The following ZC3H13 variants were observed in gnomAD, a reference collection of about 807,000 sequenced individuals.
ZC3H13 encodes the protein zinc finger CCCH-type containing 13, also known as zinc finger CCCH domain-containing protein 13.
Under a neutral mutation model 204.1 loss-of-function variants are expected in ZC3H13, and 64 were observed. The ratio of observed to expected loss-of-function variants is 0.31; its 90% CI spans 0.26 to 0.39. ZC3H13 has a LOEUF of 0.39. Ranked by LOEUF, ZC3H13 falls within the 10% of genes least tolerant of loss-of-function variation. ZC3H13 has a pLI of 1.00. For synonymous variants in ZC3H13, 667 were observed against 693.7 expected (o/e 0.96, Z 0.60); for missense variants, 1,833 against 2,082.7 (o/e 0.88, Z 2.33).
intron 8 of ZC3H13, among the ~76,000 whole-genome samples, chr13:45,995,067 T>C (rs114967665): frequency 0.015 from 2,222 of 151,626 alleles, 48 homozygotes; most frequent in African/African-American, 0.05. Flanking sequence ...CAGATTAGGA[T>C]GGATTTTGAC....
In ZC3H13 at chr13:45,959,651, C is replaced by CA; in HGVS notation, c.4676-6dup. 2.7e-5 allele frequency: 40 copies of CA among 1,492,838 alleles called. No homozygotes were observed. The highest frequency in any genetic ancestry group is 1.7e-4 in the Middle Eastern group (1 of 5,730). The allele number at this position is 1,492,838 out of a possible 1,614,324, so 92.5% of individuals were successfully genotyped here. A position where few individuals can be genotyped will look rare whatever the true frequency, so the allele number is the denominator to read the frequency against. On this transcript the variant is annotated splice_polypyrimidine_tract_variant and splice_region_variant and intron_variant, in intron 17 of 18. Transcript: ENST00000679008. ...GTTCAAAGAGATTGTCTGCATCTTT[C>CA]AAAAAAAAGTAAACATGCATTAAGT...
At position 46,022,102 on chromosome 13, in the gene ZC3H13, G is replaced by A. The variant is rs184654919; in HGVS notation, c.340-1545C>T. Among the ~76,000 whole-genome samples the A allele has an allele frequency of 4.9e-3, 746 of 151,918 alleles. 9 individuals are homozygous for A. Among genetic ancestry groups the A allele is most frequent in the African/African-American group, 0.017 (720 of 41,518 alleles). ...TTTTATCAGATTTAGAGCCAGAAAT[G>A]TTGTATCAATAAATGTCATTAATAA... On this transcript the variant is annotated intron_variant, in intron 4 of 18. Transcript: ENST00000679008.
intron 3 of ZC3H13, among the ~76,000 whole-genome samples, chr13:46,043,086 T>A (rs1339616816): frequency 6.6e-6 from 1 of 151,952 alleles, no homozygotes; most frequent in African/African-American, 2.4e-5. Flanking sequence ...ACAGACTGCC[T>A]TTAAAGACTA....
chr13:46,000,464 T>C (rs537859838), intron 8 of ZC3H13, among the ~76,000 whole-genome samples: 1 of 152,258 alleles, frequency 6.6e-6, no homozygotes, highest in African/African-American at 2.4e-5. Context: ...TTAAATGTCA[T>C]GAAGTAACCT....
At position 45,974,069 on chromosome 13, in the gene ZC3H13, G is replaced by T. The variant is rs564582063; in HGVS notation, c.2468+1214C>A. On this transcript the variant is annotated intron_variant, in intron 12 of 18. Transcript: ENST00000679008. ...TCGCCCTGTGGCAAATGAGTTGGAGGTAAGAGCAAGAAAATTGAAGATACA... is the reference window on the plus strand; with the variant it reads ...TCGCCCTGTGGCAAATGAGTTGGAGTTAAGAGCAAGAAAATTGAAGATACA... Among the ~76,000 whole-genome samples, 72 of 152,302 alleles carry T rather than the reference G, an allele frequency of 4.7e-4. 1 individual carries two copies. In the South Asian group the frequency reaches 0.014, roughly 30 times the overall value.
Position 45,998,660 on chromosome 13 carries a change from T to A in ZC3H13, c.944+4479A>T, listed in dbSNP as rs558024611. ...CGAAACTCCGTCTCAAAAAAAAAAA[T>A]AAAAGTACATAACTTAATTTTTAAA... On this transcript the variant is annotated intron_variant, in intron 8 of 18. Transcript: ENST00000679008. Among the ~76,000 whole-genome samples, 356 of 150,840 alleles carry A rather than the reference T, an allele frequency of 2.4e-3. 1 individual carries two copies. Among genetic ancestry groups the A allele is most frequent in the African/African-American group, 7.0e-3 (286 of 40,732 alleles).
intron 11 of ZC3H13, among the ~76,000 whole-genome samples, chr13:45,978,479 A>G (rs1243151209): frequency 2.6e-5 from 4 of 152,116 alleles, no homozygotes; most frequent in Non-Finnish European, 5.9e-5. Flanking sequence ...CTACTTCTCT[A>G]TAATATTGTA....
In ZC3H13 at chr13:45,956,865, A is replaced by T. The variant is rs1951300440; in HGVS notation, c.*262T>A. 4.2e-6 allele frequency: 1 copy of T among 238,262 alleles called. No homozygotes were observed. The highest frequency in any genetic ancestry group is 2.2e-5 in the African/African-American group (1 of 44,602). 14.8% of individuals were successfully genotyped at this position (238,262 alleles called of 1,614,324 possible). A position where few individuals can be genotyped will look rare whatever the true frequency, so the allele number is the denominator to read the frequency against. On this transcript the variant is annotated 3_prime_UTR_variant, in exon 19 of 19. Transcript: ENST00000679008. ...CCATTTTCCAAAATCTTCAGTTTTA[A>T]CAAAAGGCGCAGAATAAACTACTAA...
At chr13:45,961,748 A>G (rs1220810264) in intron 17 of ZC3H13, among the ~76,000 whole-genome samples, 1 of 152,162 alleles carries the variant, frequency 6.6e-6, no homozygotes, top group Non-Finnish European at 1.5e-5. Flanking sequence ...TTGGATTGTA[A>G]TACAGAGGAT....
Position 45,959,656 on chromosome 13 carries a change from A to G in ZC3H13, c.4676-10T>C, listed in dbSNP as rs1480911596. ...AAGAGATTGTCTGCATCTTTCAAAA[A>G]AAAGTAAACATGCATTAAGTTTTAC... On this transcript the variant is annotated splice_polypyrimidine_tract_variant and intron_variant, in intron 17 of 18. Coordinates refer to ENST00000679008, the MANE Select transcript of ZC3H13 (RefSeq NM_001330564.2). 1 of 1,511,540 alleles carries G rather than the reference A, an allele frequency of 6.6e-7. No individual in the cohort carries two copies. Among genetic ancestry groups the G allele is most frequent in the South Asian group, 1.3e-5 (1 of 77,310 alleles). The allele number at this position is 1,511,540 out of a possible 1,614,324, so 93.6% of individuals were successfully genotyped here.
Position 45,988,798 on chromosome 13 carries a change from T to C in ZC3H13, c.1244A>G (p.Glu415Gly). The change falls in exon 9 of 19, where the codon GAA (glutamate) becomes GGA (glycine). Residue 415 changes from glutamate (E) to glycine (G), a missense_variant. By Grantham distance (98) the Glu-to-Gly change is moderately conservative. Coordinates refer to ENST00000679008, the MANE Select transcript of ZC3H13 (RefSeq NM_001330564.2). ...AGTACAGTACACACCTTCCCTCCTT[T>C]CATGGCGTCGATCATGAGACTGTGA... ...RTSQSHDRRH[E>G]RREDTRGKRD... 6.2e-7 allele frequency: 1 copy of C among 1,612,394 alleles called. No individual in the cohort carries two copies. Among genetic ancestry groups the C allele is most frequent in the South Asian group, 1.1e-5 (1 of 91,048 alleles).
intron 4 of ZC3H13, among the ~76,000 whole-genome samples, chr13:46,039,851 G>A (rs1034068176): frequency 6.6e-6 from 1 of 152,176 alleles, no homozygotes; most frequent in Admixed American, 6.5e-5. Context: ...GCATCTGTCA[G>A]TGATGTCTTT....
At chr13:46,008,740 A>G (rs1363478856) in intron 7 of ZC3H13, among the ~76,000 whole-genome samples, 8 of 152,196 alleles carry the variant, frequency 5.3e-5, no homozygotes, top group African/African-American at 1.7e-4. Flanking sequence ...GGATAAGAGC[A>G]AGTGAAGTGG....
intron 3 of ZC3H13, 27 bp from the exon 4 acceptor site, chr13:46,042,302 C>CA (rs769080632): frequency 1.9e-6 from 3 of 1,541,198 alleles, no homozygotes; most frequent in Middle Eastern, 3.4e-4. Flanking sequence ...AGAAACAAAA[C>CA]AAAAAACGAA....
At position 46,003,276 on chromosome 13, in the gene ZC3H13, A is replaced by G. The variant is rs1566256519; in HGVS notation, c.807T>C (p.Pro269=). 2 of 1,612,942 alleles carry G rather than the reference A, an allele frequency of 1.2e-6. No individual in the cohort carries two copies. The highest frequency in any genetic ancestry group is 1.7e-6 in the Non-Finnish European group (2 of 1,179,746). The change falls in exon 8 of 19, where the codon CCT becomes CCC. Residue 269 remains proline (P), a synonymous_variant. Coordinates refer to ENST00000679008, the MANE Select transcript of ZC3H13 (RefSeq NM_001330564.2). ...TCCCCAGAGCGATATCTTCTGGTATAGGAGGGGGTGGACTAGGAGTACGTG... is the reference window on the plus strand; with the variant it reads ...TCCCCAGAGCGATATCTTCTGGTATGGGAGGGGGTGGACTAGGAGTACGTG... ...KGPRTPSPPP[P]IPEDIALGKK...
chr13:46,034,445 T>TC (rs2043089902), intron 4 of ZC3H13, among the ~76,000 whole-genome samples: 1 of 152,150 alleles, frequency 6.6e-6, no homozygotes, highest in Non-Finnish European at 1.5e-5. Flanking sequence ...AGAACATGAA[T>TC]CAGCAATAAA....
At position 45,980,010 on chromosome 13, in the gene ZC3H13, C is replaced by A. The variant is rs766181207; in HGVS notation, c.1721-6G>T. The stretch of plus-strand genomic sequence containing the variant: ...ACCTCTTGAGCCTCGACTTCCTAAA[C>A]AAAGGATAGACACACAAATGTTTAC... On this transcript the variant is annotated splice_polypyrimidine_tract_variant and splice_region_variant and intron_variant, in intron 10 of 18. Transcript: ENST00000679008. 3.8e-6 allele frequency: 6 copies of A among 1,588,368 alleles called. No homozygotes were observed. In the African/African-American group the frequency reaches 8.2e-5, roughly 22 times the overall value.
At chr13:46,048,580 CAA>C (rs56753264) in intron 1 of ZC3H13, among the ~76,000 whole-genome samples, 1 of 38,660 alleles carries the variant, frequency 2.6e-5, no homozygotes, top group Non-Finnish European at 4.3e-5. Context: ...GACTCCGCCT[CAA>C]AAAAAAAAAA....
At position 46,005,990 on chromosome 13, in the gene ZC3H13, G is replaced by A. The variant is rs562315127; in HGVS notation, c.747-2654C>T. On this transcript the variant is annotated intron_variant, in intron 7 of 18. Coordinates refer to ENST00000679008, the MANE Select transcript of ZC3H13 (RefSeq NM_001330564.2). The stretch of plus-strand genomic sequence containing the variant: ...CACGCCTGTAATCCCAGCTACTCAG[G>A]AGGCTGAGGCAGAAGAACCGCTTGA... Among the ~76,000 whole-genome samples the A allele has an allele frequency of 2.0e-5, 3 of 151,790 alleles. No homozygotes were observed. The South Asian group carries it at 6.2e-4, about 32-fold the overall frequency.
Sources: gnomAD v4.1 joint callset for allele counts (sites outside exome capture counted in the v4.1 genomes callset) on GRCh38, gnomAD v4.1.1 for gene constraint, MANE v1.5 for transcripts, NCBI Gene and HGNC (gene_info 2026-07-23, HGNC 2026-07-21) for gene names.